The following STK40 variants were observed in gnomAD, a reference collection of about 807,000 sequenced individuals.
The protein encoded by STK40 is serine/threonine kinase 40, also known as serine/threonine-protein kinase 40.
A neutral mutation model predicts 47.9 loss-of-function variants in STK40; 13 were observed. The ratio of observed to expected loss-of-function variants is 0.27; its 90% CI spans 0.18 to 0.43. The LOEUF is 0.43. Ranked by LOEUF, STK40 falls within the 20% of genes least tolerant of loss-of-function variation. The pLI is 1.00. For missense variants in STK40, 460 were observed against 595.1 expected (o/e 0.77, Z 2.36); for synonymous variants, 225 against 243.2 (o/e 0.93, Z 0.69).
At chr1:36,374,457 G>A (rs1001561531) in intron 1 of STK40, among the ~76,000 whole-genome samples, 8 of 152,228 alleles carry the variant, frequency 5.3e-5, no homozygotes, top group Non-Finnish European at 8.8e-5. Flanking sequence ...CAGACCGGCT[G>A]CTCCTGGGAG....
At chr1:36,369,753 T>C (rs1440154658) in intron 1 of STK40, among the ~76,000 whole-genome samples, 1 of 152,214 alleles carries the variant, frequency 6.6e-6, no homozygotes, top group African/African-American at 2.4e-5. Flanking sequence ...TCTCAGGCTG[T>C]GGGCTCCCTT....
chr1:36,377,741 C>A (rs1647004096), intron 1 of STK40, among the ~76,000 whole-genome samples: 1 of 152,156 alleles, frequency 6.6e-6, no homozygotes, highest in Non-Finnish European at 1.5e-5. Flanking sequence ...AGATAGGCTG[C>A]AAACATGCCT....
rs985915139 is a variant in STK40 at position 36,358,597 on chromosome 1, CTG to C, written c.198+138_198+139del. ...AAATCAGAAGTTGTTCTGAGGGAGACTGTGAACTTGATTGCTTCTCGGGAAGA... is the reference window on the plus strand; with the variant it reads ...AAATCAGAAGTTGTTCTGAGGGAGACTGAACTTGATTGCTTCTCGGGAAGA... On this transcript the variant is annotated intron_variant, in intron 3 of 10. Transcript: ENST00000373132. The C allele has an allele frequency of 7.2e-5, 80 of 1,117,352 alleles. No individual in the cohort carries two copies. In the African/African-American group the frequency reaches 1.1e-3, roughly 16 times the overall value. The allele number at this position is 1,117,352 out of a possible 1,614,324, so 69.2% of individuals were successfully genotyped here. A position where few individuals can be genotyped will look rare whatever the true frequency, so the allele number is the denominator to read the frequency against.
Position 36,358,720 on chromosome 1 carries a change from C to T in STK40, c.198+17G>A, listed in dbSNP as rs3795496. 0.16 allele frequency: 265,495 copies of T among 1,613,216 alleles called. 23,442 individuals carry two copies. Among genetic ancestry groups the T allele is most frequent in the South Asian group, 0.19 (17,425 of 91,042 alleles). On this transcript the variant is annotated intron_variant, in intron 3 of 10. Coordinates refer to ENST00000373132, the MANE Select transcript of STK40 (RefSeq NM_001282547.2). ...GGCCCTGTTCCTGAGGCACCCTCAC[C>T]CCCATGTCTCACTTACCTTCAGCTG... is the stretch of plus-strand genomic sequence containing the variant.
intron 1 of STK40, 74 bp from the exon 2 acceptor site, chr1:36,361,414 C>T (rs1231376178): frequency 6.3e-7 from 1 of 1,594,480 alleles, no homozygotes. Context: ...GCCTGCAGGC[C>T]TTTGACTTGG....
chr1:36,339,696 A>G lies in STK40; in HGVS notation c.*2059T>C, dbSNP rs1646627510. ...CCATGTAGTACAAAAATATGTCTTT[A>G]TACAAACTTTTTTGTGACTTTTTCC... is the stretch of plus-strand genomic sequence containing the variant. On this transcript the variant is annotated 3_prime_UTR_variant, in exon 11 of 11. Coordinates refer to ENST00000373132, the MANE Select transcript of STK40 (RefSeq NM_001282547.2). 1 of 152,688 alleles carries G rather than the reference A, an allele frequency of 6.5e-6. No individual in the cohort carries two copies. The highest frequency in any genetic ancestry group is 6.5e-5 in the Admixed American group (1 of 15,290). The allele number at this position is 152,688 out of a possible 1,614,324, so 9.5% of individuals were successfully genotyped here. A position where few individuals can be genotyped will look rare whatever the true frequency, so the allele number is the denominator to read the frequency against.
At chr1:36,360,509 C>CATTTTATTTTATTTT (rs72384228) in intron 2 of STK40, among the ~76,000 whole-genome samples, 3 of 148,860 alleles carry the variant, frequency 2.0e-5, no homozygotes, top group African/African-American at 7.5e-5. Context: ...CTTGGGTTTT[C>CATTTTATTTTATTTT]ATTTTATTTT....
At chr1:36,358,450 CG>C in intron 3 of STK40, 68 bp from the exon 4 acceptor site, 1 of 1,536,302 alleles carries the variant, frequency 6.5e-7, no homozygotes. Flanking sequence ...ACAACCAGAA[CG>C]GGGGAAGCAG....
intron 2 of STK40, among the ~76,000 whole-genome samples, chr1:36,360,934 G>C (rs1029558073): frequency 2.0e-5 from 3 of 152,176 alleles, no homozygotes; most frequent in Non-Finnish European, 2.9e-5. Flanking sequence ...GGATTCTCTG[G>C]GGGGAGAGTC....
chr1:36,378,320 C>G (rs1477072828), intron 1 of STK40, among the ~76,000 whole-genome samples: 3 of 152,164 alleles, frequency 2.0e-5, no homozygotes, highest in Admixed American at 6.5e-5. Flanking sequence ...CAGCTCTGCC[C>G]TTACTGGCTG....
chr1:36,356,418 C>CTTTTTTTTTTTTTTTT (rs1002682531), intron 4 of STK40, among the ~76,000 whole-genome samples: 10 of 116,808 alleles, frequency 8.6e-5, no homozygotes, highest in Non-Finnish European at 1.2e-4. Flanking sequence ...TCTTCTTTTT[C>CTTTTTTTTTTTTTTTT]TTTTTTTTTT....
At chr1:36,383,914 T>A (rs1210332443) in intron 1 of STK40, among the ~76,000 whole-genome samples, 2 of 152,060 alleles carry the variant, frequency 1.3e-5, no homozygotes, top group Non-Finnish European at 2.9e-5. Context: ...CTGCCAAGCC[T>A]TTTCATGGCA....
At chr1:36,353,979 G>A (rs1646780875) in intron 6 of STK40, among the ~76,000 whole-genome samples, 1 of 152,154 alleles carries the variant, frequency 6.6e-6, no homozygotes, top group South Asian at 2.1e-4. Flanking sequence ...TGCCCAGGCT[G>A]GTCTCAAACT....
intron 6 of STK40, 83 bp downstream of exon 6, chr1:36,354,281 C>T: frequency 6.9e-7 from 1 of 1,459,304 alleles, no homozygotes; most frequent in South Asian, 1.1e-5. Context: ...CTCATGAGGA[C>T]ACTTCAGGGC....
chr1:36,385,502 A>G (rs79001088), intron 1 of STK40, among the ~76,000 whole-genome samples: 2,471 of 152,220 alleles, frequency 0.016, 186 homozygotes, highest in Admixed American at 0.13. Flanking sequence ...CGGGGACTGA[A>G]GCTCCCGCGG....
At chr1:36,375,759 G>A (rs368913901) in intron 1 of STK40, among the ~76,000 whole-genome samples, 22 of 152,240 alleles carry the variant, frequency 1.4e-4, no homozygotes, top group East Asian at 1.2e-3. Flanking sequence ...GGTGGCTCAC[G>A]CCTGTAATCC....
chr1:36,379,398 CTTTTTTTT>C (rs55738958), intron 1 of STK40, among the ~76,000 whole-genome samples: 1 of 138,892 alleles, frequency 7.2e-6, no homozygotes, highest in African/African-American at 2.7e-5. Flanking sequence ...GTTGTAGCCT[CTTTTTTTT>C]TTTTTTTTGA....
Position 36,348,826 on chromosome 1 carries a change from G to A in STK40, c.624-11C>T, listed in dbSNP as rs774526921. On this transcript the variant is annotated splice_polypyrimidine_tract_variant and intron_variant, in intron 6 of 10. Transcript: ENST00000373132. Reference sequence around the variant, plus strand: ...GTTATCCGATGTGTCCTAGGAGTGGGAGACAGAGTGAACAAACCTCAGTGT... The same window carrying A: ...GTTATCCGATGTGTCCTAGGAGTGGAAGACAGAGTGAACAAACCTCAGTGT... The A allele has an allele frequency of 1.9e-6, 3 of 1,589,356 alleles. No individual in the cohort carries two copies. The highest frequency in any genetic ancestry group is 1.3e-5 in the African/African-American group (1 of 74,260).
intron 1 of STK40, among the ~76,000 whole-genome samples, chr1:36,377,727 C>T (rs1370940032): frequency 6.6e-6 from 1 of 152,134 alleles, no homozygotes; most frequent in African/African-American, 2.4e-5. Flanking sequence ...CCCTGCAGCT[C>T]TCCAGATAGG....
Sources: allele counts gnomAD v4.1 joint callset (sites outside exome capture counted in the v4.1 genomes callset), GRCh38; gene constraint gnomAD v4.1.1; transcripts MANE v1.5; gene names NCBI Gene and HGNC (gene_info 2026-07-23, HGNC 2026-07-21).